The following CLIP1 variants were observed in gnomAD, a reference collection of about 807,000 sequenced individuals.
CLIP1 encodes the protein CAP-Gly domain containing linker protein 1, also known as CAP-Gly domain-containing linker protein 1.
A neutral mutation model predicts 161.6 loss-of-function variants in CLIP1; 66 were observed. The ratio of observed to expected loss-of-function variants is 0.41; its 90% confidence interval spans 0.33 to 0.50. The LOEUF is 0.50. Among genes scored for constraint, CLIP1 ranks in the 20% least tolerant of loss-of-function variants. The probability of loss-of-function intolerance (pLI) is 0.27; values close to 1 mark genes in which losing one functional copy is unlikely to be tolerated. For missense variants in CLIP1, 1,376 were observed against 1,702.0 expected, an observed-to-expected ratio of 0.81 and a Z score of 3.37; for synonymous variants, 598 against 626.2, an observed-to-expected ratio of 0.96 and a Z score of 0.67.
At chr12:122,420,473 A>T (rs1956903461) in intron 1 of CLIP1, among the ~76,000 whole-genome samples, 1 of 152,200 alleles carries the variant, frequency 6.6e-6, no homozygotes, top group South Asian at 2.1e-4. Flanking sequence ...GGGAAGGGCA[A>T]AATCTTGATC....
At chr12:122,407,955 T>C (rs1956391516) in intron 1 of CLIP1, among the ~76,000 whole-genome samples, 1 of 151,784 alleles carries the variant, frequency 6.6e-6, no homozygotes, top group African/African-American at 2.4e-5. Flanking sequence ...ATTGGGTTTT[T>C]TTCTTTTCAT....
intron 11 of CLIP1, among the ~76,000 whole-genome samples, chr12:122,340,212 C>T (rs923665689): frequency 2.6e-5 from 4 of 151,926 alleles, no homozygotes; most frequent in African/African-American, 9.7e-5. Context: ...TCCTGGGTAG[C>T]TGGGATTACA....
chr12:122,401,025 C>G (rs929998873), intron 1 of CLIP1, among the ~76,000 whole-genome samples: 1 of 151,594 alleles, frequency 6.6e-6, no homozygotes, highest in Non-Finnish European at 1.5e-5. Flanking sequence ...AATTCTCATG[C>G]CTTAGCCTCC....
At chr12:122,277,412 G>C (rs1186896965) in intron 24 of CLIP1, 1 of 151,020 alleles carries the variant, frequency 6.6e-6, no homozygotes, top group East Asian at 1.9e-4. Flanking sequence ...AAACTTTTGG[G>C]CTCAAGCAAT....
chr12:122,420,772 C>A (rs996648000), intron 1 of CLIP1, among the ~76,000 whole-genome samples: 14 of 151,852 alleles, frequency 9.2e-5, no homozygotes, highest in Admixed American at 7.2e-4. Flanking sequence ...CCCATCTCTA[C>A]CACAGATACA....
chr12:122,306,518 A>G (rs989826345), intron 20 of CLIP1, among the ~76,000 whole-genome samples: 1 of 152,158 alleles, frequency 6.6e-6, no homozygotes, highest in Non-Finnish European at 1.5e-5. Context: ...CTGTGGGAGA[A>G]GCAGAAGCAC....
intron 5 of CLIP1, among the ~76,000 whole-genome samples, chr12:122,357,875 T>C (rs1213852725): frequency 2.5e-4 from 35 of 138,118 alleles, no homozygotes; most frequent in African/African-American, 8.3e-4. Flanking sequence ...GCGCCTCTGC[T>C]CGGCCGCCCC....
intron 10 of CLIP1, chr12:122,343,620 T>C (rs1359601641): frequency 6.6e-6 from 1 of 152,200 alleles, no homozygotes; most frequent in African/African-American, 2.4e-5. Flanking sequence ...TCACCTGGAA[T>C]GTACATCTAA....
chr12:122,303,339 C>T (rs376912383), intron 20 of CLIP1, among the ~76,000 whole-genome samples: 1 of 152,066 alleles, frequency 6.6e-6, no homozygotes, highest in Admixed American at 6.6e-5. Flanking sequence ...AGAATGTGTA[C>T]ACTTCATCTT....
rs766736720 is a variant in CLIP1 at position 122,360,870 on chromosome 12, A to C, written c.1005+89T>G. On this transcript the variant is annotated intron_variant, in intron 5 of 25. Transcript: ENST00000620786. ...AGCAACATTCAGCACAAGGACAAGC[A>C]AAGCAGCAAAGCAGCAAAGCAGGGG... is the stretch of plus-strand genomic sequence containing the variant. 7.4e-5 allele frequency: 77 copies of C among 1,045,880 alleles called. 1 individual carries two copies. The South Asian group carries it at 8.8e-4, about 12-fold the overall frequency. 64.8% of individuals were successfully genotyped at this position (1,045,880 alleles called of 1,614,324 possible). A position where few individuals can be genotyped will look rare whatever the true frequency, so the allele number is the denominator to read the frequency against.
At chr12:122,316,717 C>G in intron 19 of CLIP1, 32 bp downstream of exon 19, 1 of 1,236,468 alleles carries the variant, frequency 8.1e-7, no homozygotes, top group Non-Finnish European at 1.1e-6. Context: ...AAAATAAATT[C>G]CATATTTTTT....
In CLIP1 at chr12:122,323,667, G is replaced by C. The variant is rs1372848650; in HGVS notation, c.3249+4280C>G. ...TCTAACTGCAGATTTCTGTTGTTCT[G>C]AAGAACATTATCTCGTTCTACCTTT... On this transcript the variant is annotated intron_variant, in intron 17 of 25. Coordinates refer to ENST00000620786, the MANE Select transcript of CLIP1 (RefSeq NM_001247997.2). This position sits in a 1 kb window ranked among gnomAD's most constrained non-coding sequence, Gnocchi z 4.1. 6.6e-6 allele frequency: 1 copy of C among 152,636 alleles called. No individual in the cohort carries two copies. Among genetic ancestry groups the C allele is most frequent in the African/African-American group, 2.4e-5 (1 of 41,442 alleles). 9.5% of individuals were successfully genotyped at this position (152,636 alleles called of 1,614,324 possible).
At chr12:122,351,365 CTAA>C (rs1953028029) in intron 8 of CLIP1, among the ~76,000 whole-genome samples, 1 of 152,142 alleles carries the variant, frequency 6.6e-6, no homozygotes, top group African/African-American at 2.4e-5. Flanking sequence ...CATGAAACTT[CTAA>C]TGAGACTTTG....
At chr12:122,390,941 C>T (rs1955632094) in intron 1 of CLIP1, among the ~76,000 whole-genome samples, 1 of 152,082 alleles carries the variant, frequency 6.6e-6, no homozygotes, top group Non-Finnish European at 1.5e-5. Context: ...GGGAGTAGGG[C>T]TCCATGAACA....
At chr12:122,305,381 T>C (rs902638812) in intron 20 of CLIP1, among the ~76,000 whole-genome samples, 3 of 152,200 alleles carry the variant, frequency 2.0e-5, no homozygotes, top group Admixed American at 6.5e-5. Flanking sequence ...CAGTGAGCTA[T>C]GATAGTGCCA....
At chr12:122,343,905 C>T (rs1952624664) in intron 10 of CLIP1, 1 of 152,060 alleles carries the variant, frequency 6.6e-6, no homozygotes, top group South Asian at 2.1e-4. Context: ...GCAGTGAGTC[C>T]CATATTTCAA....
chr12:122,370,274 G>A (rs1190065173), intron 3 of CLIP1, among the ~76,000 whole-genome samples: 1 of 152,114 alleles, frequency 6.6e-6, no homozygotes, highest in Non-Finnish European at 1.5e-5. Context: ...AGGGTGGGCA[G>A]GGTCCAGAGA....
At chr12:122,370,249 G>C (rs1954379485) in intron 3 of CLIP1, among the ~76,000 whole-genome samples, 1 of 151,878 alleles carries the variant, frequency 6.6e-6, no homozygotes, top group African/African-American at 2.4e-5. Flanking sequence ...GGTGTGAGAA[G>C]GACAAGAGGT....
At chr12:122,304,462 G>A (rs547962111) in intron 20 of CLIP1, among the ~76,000 whole-genome samples, 1 of 152,204 alleles carries the variant, frequency 6.6e-6, no homozygotes, top group Non-Finnish European at 1.5e-5. Context: ...CCGGGTTCAA[G>A]TGATTCTCCT....
Sources: gnomAD v4.1 joint callset for allele counts (sites outside exome capture counted in the v4.1 genomes callset) on GRCh38, gnomAD v4.1.1 for gene constraint, Gnocchi (gnomAD v3.1) non-coding constraint, MANE v1.5 for transcripts, NCBI Gene and HGNC (gene_info 2026-07-23, HGNC 2026-07-21) for gene names.